The following WDPCP variants were observed in gnomAD, a reference collection of about 807,000 sequenced individuals.
WDPCP encodes WD repeat containing planar cell polarity effector, also known as WD repeat-containing and planar cell polarity effector protein fritz homolog.
WDPCP carries 71 observed loss-of-function variants against 93.1 expected under a neutral mutation model. The observed-to-expected ratio is 0.76, with a 90% CI of 0.63 to 0.93. The LOEUF is 0.93. Among genes scored for constraint, WDPCP ranks in the 40% least tolerant of loss-of-function variants. WDPCP has a pLI of 0.00. For missense variants in WDPCP, 844 were observed against 887.4 expected, an observed-to-expected ratio of 0.95 and a Z score of 0.62; for synonymous variants, 315 against 315.0, an observed-to-expected ratio of 1.00 and a Z score of 0.00.
chr2:63,251,527 T>C (rs1422972979), intron 14 of WDPCP, among the ~76,000 whole-genome samples: 1 of 144,994 alleles, frequency 6.9e-6, no homozygotes, highest in East Asian at 2.1e-4. Context: ...AGTCTCGCTC[T>C]GTCGTCGAGG....
chr2:63,750,433 T>TAAA (rs1026529972), intron 2 of WDPCP, among the ~76,000 whole-genome samples: 1 of 146,826 alleles, frequency 6.8e-6, no homozygotes, highest in Non-Finnish European at 1.5e-5. Flanking sequence ...AGCATATACT[T>TAAA]AAAAAAAAAA....
At chr2:63,441,073 G>C (rs981087591) in intron 6 of WDPCP, 3 of 152,004 alleles carry the variant, frequency 2.0e-5, no homozygotes, top group African/African-American at 7.2e-5. Context: ...TCACCAGAAA[G>C]CTTACCTTTA....
chr2:63,267,764 A>G (rs1682261764), intron 13 of WDPCP, among the ~76,000 whole-genome samples: 1 of 152,166 alleles, frequency 6.6e-6, no homozygotes, highest in Non-Finnish European at 1.5e-5. Flanking sequence ...AATTAAAACC[A>G]CAACGAGATA....
At position 63,795,211 on chromosome 2, in the gene WDPCP, A is replaced by C. The variant is rs546679200; in HGVS notation, n.308+18411T>G. ...TGGAATTCTGCAAATAACAACCCCA[A>C]AATTGTGGAGTTGGATGAGTGGAAC... On this transcript the variant is annotated intron_variant and non_coding_transcript_variant, in intron 2 of 4. Transcript: ENST00000467687. 6.4e-4 allele frequency among the ~76,000 whole-genome samples: 97 copies of C among 152,276 alleles called. 1 individual carries two copies. The highest frequency in any genetic ancestry group is 2.3e-3 in the African/African-American group (94 of 41,568).
chr2:63,812,849 T>C (rs1670881864), intron 2 of WDPCP, among the ~76,000 whole-genome samples: 1 of 152,104 alleles, frequency 6.6e-6, no homozygotes, highest in South Asian at 2.1e-4. Flanking sequence ...ATCTAACTTC[T>C]GGGTCACGTA....
intron 3 of WDPCP, among the ~76,000 whole-genome samples, chr2:63,634,088 T>G (rs1709896355): frequency 6.6e-6 from 1 of 151,956 alleles, no homozygotes; most frequent in African/African-American, 2.4e-5. Flanking sequence ...CCCAGTCAAC[T>G]AGCAAACATA....
chr2:63,171,003 G>A (rs981329422), intron 15 of WDPCP, among the ~76,000 whole-genome samples: 2 of 151,944 alleles, frequency 1.3e-5, no homozygotes, highest in Non-Finnish European at 2.9e-5. Flanking sequence ...AAATACTGGG[G>A]AAACGTGTAT....
At chr2:63,231,241 C>G (rs1678849059) in intron 14 of WDPCP, among the ~76,000 whole-genome samples, 1 of 152,188 alleles carries the variant, frequency 6.6e-6, no homozygotes, top group South Asian at 2.1e-4. Flanking sequence ...TGGGCAAACA[C>G]TGGAGGCATT....
chr2:63,449,085 T>C (rs1374365128), intron 6 of WDPCP, among the ~76,000 whole-genome samples: 1 of 152,190 alleles, frequency 6.6e-6, no homozygotes, highest in East Asian at 1.9e-4. Context: ...CCACTATGTA[T>C]GCCTATAGCA....
At chr2:63,505,900 T>C (rs557062782) in intron 1 of WDPCP, among the ~76,000 whole-genome samples, 9 of 152,086 alleles carry the variant, frequency 5.9e-5, no homozygotes, top group Admixed American at 4.6e-4. Flanking sequence ...AGTGGGGAGC[T>C]TGGGATGGAG....
At chr2:63,547,123 T>C (rs186364115) in intron 1 of WDPCP, among the ~76,000 whole-genome samples, 17 of 152,134 alleles carry the variant, frequency 1.1e-4, no homozygotes, top group Non-Finnish European at 1.5e-5. Flanking sequence ...AAAAAAGATA[T>C]ACAAATGACC....
At chr2:63,473,689 T>C (rs1699813155) in intron 6 of WDPCP, among the ~76,000 whole-genome samples, 1 of 152,210 alleles carries the variant, frequency 6.6e-6, no homozygotes, top group African/African-American at 2.4e-5. Context: ...CTTTTTATTC[T>C]CTTTGTCCTC....
chr2:63,493,853 A>G (rs1701043430), intron 1 of WDPCP, among the ~76,000 whole-genome samples: 1 of 152,210 alleles, frequency 6.6e-6, no homozygotes, highest in South Asian at 2.1e-4. Context: ...TTCTTTATAG[A>G]ATCAGGAAAG....
chr2:63,257,060 C>T (rs1377505393), intron 14 of WDPCP, among the ~76,000 whole-genome samples: 1 of 152,110 alleles, frequency 6.6e-6, no homozygotes, highest in Non-Finnish European at 1.5e-5. Context: ...TTTCTGTATG[C>T]ATGTTAGACT....
intron 1 of WDPCP, among the ~76,000 whole-genome samples, chr2:63,514,873 C>T (rs1702454436): frequency 6.6e-6 from 1 of 152,100 alleles, no homozygotes; most frequent in African/African-American, 2.4e-5. Context: ...ATTATTCTTG[C>T]CACTCCTGTA....
At chr2:63,134,236 A>T (rs2103618061) in intron 17 of WDPCP, among the ~76,000 whole-genome samples, 1 of 152,288 alleles carries the variant, frequency 6.6e-6, no homozygotes, top group East Asian at 1.9e-4. Context: ...TTCTGTGGTT[A>T]TAGAATGTAA....
chr2:63,227,598 G>A (rs1395924749), intron 14 of WDPCP, among the ~76,000 whole-genome samples: 2 of 151,972 alleles, frequency 1.3e-5, no homozygotes, highest in African/African-American at 4.8e-5. Flanking sequence ...GACTAGTAAA[G>A]TGATTTAGAG....
At chr2:63,592,349 A>G (rs1211083425), upstream of WDPCP, among the ~76,000 whole-genome samples, 3 of 152,206 alleles carry the variant, frequency 2.0e-5, no homozygotes, top group Non-Finnish European at 2.9e-5. Flanking sequence ...TTCATAGTAT[A>G]TATGAAAAAG....
At chr2:63,297,051 T>C (rs1684920906) in intron 13 of WDPCP, among the ~76,000 whole-genome samples, 1 of 152,150 alleles carries the variant, frequency 6.6e-6, no homozygotes, top group African/African-American at 2.4e-5. Context: ...TCTGGATGCC[T>C]ACTGACTCCA....
Sources: allele counts gnomAD v4.1 joint callset (sites outside exome capture counted in the v4.1 genomes callset), GRCh38; gene constraint gnomAD v4.1.1; transcripts MANE v1.5; gene names NCBI Gene and HGNC (gene_info 2026-07-23, HGNC 2026-07-21).